SGCZ: variants seen among roughly 807,000 people sequenced by gnomAD.
SGCZ encodes the protein sarcoglycan zeta.
SGCZ carries 40 observed loss-of-function variants against 41.3 expected under a neutral mutation model. The observed-to-expected ratio is 0.97, with a 90% CI of 0.75 to 1.26. SGCZ has a LOEUF of 1.26. Ranked by LOEUF, SGCZ falls within the 50% of genes most tolerant of loss-of-function variation. The pLI is 0.00. For missense variants in SGCZ, 552 were observed against 369.8 expected, an observed-to-expected ratio of 1.49 and a Z score of -4.04; for synonymous variants, 206 against 137.5, an observed-to-expected ratio of 1.50 and a Z score of -3.49.
intron 1 of SGCZ, among the ~76,000 whole-genome samples, chr8:15,168,434 C>G (rs975637199): frequency 6.6e-6 from 1 of 152,152 alleles, no homozygotes; most frequent in Non-Finnish European, 1.5e-5. Flanking sequence ...ATTCCCTATT[C>G]GAGCAGAGAA....
At chr8:14,102,976 T>G (rs1035716569) in intron 6 of SGCZ, among the ~76,000 whole-genome samples, 2 of 152,124 alleles carry the variant, frequency 1.3e-5, no homozygotes, top group Admixed American at 6.5e-5. Context: ...TTAATGAAAA[T>G]TGTTAATATT....
intron 4 of SGCZ, among the ~76,000 whole-genome samples, chr8:14,190,086 C>T (rs1402689698): frequency 3.1e-5 from 4 of 128,546 alleles, no homozygotes; most frequent in Admixed American, 3.0e-4. Context: ...CATCTTGACT[C>T]GCTGCAAGCT....
chr8:14,703,676 C>T (rs1454135411), intron 1 of SGCZ, among the ~76,000 whole-genome samples: 2 of 151,954 alleles, frequency 1.3e-5, no homozygotes, highest in African/African-American at 4.8e-5. Context: ...CCTTTATGGA[C>T]AGCAGAAAAC....
intron 1 of SGCZ, among the ~76,000 whole-genome samples, chr8:15,091,679 A>C (rs1806158173): frequency 6.6e-6 from 1 of 152,212 alleles, no homozygotes; most frequent in Non-Finnish European, 1.5e-5. Context: ...ATCTTTATAC[A>C]CACCTTTAAA....
At chr8:14,720,910 CTG>C (rs1809863903) in intron 1 of SGCZ, among the ~76,000 whole-genome samples, 1 of 59,578 alleles carries the variant, frequency 1.7e-5, no homozygotes. Flanking sequence ...TTCATGGAAA[CTG>C]TTTTTTTTTT....
At chr8:14,996,136 C>T (rs1485207740) in intron 1 of SGCZ, among the ~76,000 whole-genome samples, 7 of 152,096 alleles carry the variant, frequency 4.6e-5, no homozygotes, top group Admixed American at 6.5e-5. Flanking sequence ...ATTTCCTGAC[C>T]TCGTGATCTG....
intron 1 of SGCZ, among the ~76,000 whole-genome samples, chr8:14,584,183 G>C (rs1469455315): frequency 6.6e-6 from 1 of 152,098 alleles, no homozygotes; most frequent in African/African-American, 2.4e-5. Flanking sequence ...CTAGGTGTTA[G>C]ACTTGAGAGG....
chr8:14,758,392 CT>C lies in SGCZ; in HGVS notation c.40-203467del, dbSNP rs573355213. Among the ~76,000 whole-genome samples the C allele has an allele frequency of 1.2e-4, 19 of 152,268 alleles. No homozygotes were observed. The South Asian group carries it at 3.9e-3, about 32-fold the overall frequency. On this transcript the variant is annotated intron_variant, in intron 1 of 7. Coordinates refer to ENST00000382080, the MANE Select transcript of SGCZ (RefSeq NM_139167.4). Reference sequence around the variant, plus strand: ...GATTTTTTTTTAACCAAGTCAGCTTCTTTTTTCATCAATTTATAATTTCATC... The same window carrying C: ...GATTTTTTTTTAACCAAGTCAGCTTCTTTTTCATCAATTTATAATTTCATC...
chr8:14,691,967 G>A lies in SGCZ; in HGVS notation c.40-137041C>T, dbSNP rs556752528. Among the ~76,000 whole-genome samples the A allele has an allele frequency of 4.6e-5, 7 of 151,828 alleles. No homozygotes were observed. In the South Asian group the frequency reaches 1.0e-3, roughly 23 times the overall value. On this transcript the variant is annotated intron_variant, in intron 1 of 7. Coordinates refer to ENST00000382080, the MANE Select transcript of SGCZ (RefSeq NM_139167.4). ...TTTAGTTTAGTAAATTTCCATAATT[G>A]ATACGTGAAATATTAGTAGGATAGT...
chr8:15,123,890 G>A (rs763046494), intron 1 of SGCZ, among the ~76,000 whole-genome samples: 4 of 151,508 alleles, frequency 2.6e-5, no homozygotes, highest in Non-Finnish European at 5.9e-5. Context: ...AGGAAGCAAT[G>A]TTAACAAAGT....
intron 1 of SGCZ, among the ~76,000 whole-genome samples, chr8:14,774,509 T>G (rs1800341832): frequency 1.3e-5 from 2 of 152,236 alleles, no homozygotes; most frequent in South Asian, 2.1e-4. Context: ...AACCACATGT[T>G]GCAGCCCTTA....
intron 2 of SGCZ, among the ~76,000 whole-genome samples, chr8:14,541,024 A>G (rs942890649): frequency 5.3e-5 from 8 of 150,998 alleles, no homozygotes; most frequent in African/African-American, 1.7e-4. Context: ...GAACATATAT[A>G]TGTATATATG....
chr8:14,096,485 T>A (rs921774459), intron 7 of SGCZ, among the ~76,000 whole-genome samples: 1 of 152,204 alleles, frequency 6.6e-6, no homozygotes, highest in Non-Finnish European at 1.5e-5. Context: ...AGCTTTTTGT[T>A]GTGCTGCTGG....
intron 1 of SGCZ, among the ~76,000 whole-genome samples, chr8:14,938,793 T>G (rs1423852726): frequency 6.6e-6 from 1 of 152,098 alleles, no homozygotes; most frequent in Non-Finnish European, 1.5e-5. Flanking sequence ...AAGTAGGAGA[T>G]AAGCTGTGGT....
chr8:14,753,244 A>C (rs1278262244), intron 1 of SGCZ, among the ~76,000 whole-genome samples: 1 of 152,146 alleles, frequency 6.6e-6, no homozygotes, highest in Admixed American at 6.6e-5. Flanking sequence ...AAAATTTTAG[A>C]TTCATAAATT....
At chr8:14,263,971 C>G (rs1288614919) in intron 3 of SGCZ, among the ~76,000 whole-genome samples, 1 of 152,232 alleles carries the variant, frequency 6.6e-6, no homozygotes, top group East Asian at 1.9e-4. Context: ...AATCCCACAA[C>G]CTCTGGCTCC....
At chr8:14,310,013 A>ACC (rs1801479636) in intron 3 of SGCZ, among the ~76,000 whole-genome samples, 10 of 152,072 alleles carry the variant, frequency 6.6e-5, no homozygotes, top group Middle Eastern at 3.4e-3. Flanking sequence ...AGTCAAAAAA[A>ACC]AACTTGGCAT....
At chr8:14,911,144 C>T (rs1359987358) in intron 1 of SGCZ, among the ~76,000 whole-genome samples, 1 of 151,956 alleles carries the variant, frequency 6.6e-6, no homozygotes, top group Non-Finnish European at 1.5e-5. Context: ...TAGTTTTCAC[C>T]TTTTAAGAGA....
chr8:14,721,032 CT>C (rs1231016385), intron 1 of SGCZ, among the ~76,000 whole-genome samples: 1 of 150,670 alleles, frequency 6.6e-6, no homozygotes, highest in Non-Finnish European at 1.5e-5. Context: ...CCATTTTCTC[CT>C]TAATGCAATT....
Sources: gnomAD v4.1 joint callset for allele counts (sites outside exome capture counted in the v4.1 genomes callset) on GRCh38, gnomAD v4.1.1 for gene constraint, MANE v1.5 for transcripts, NCBI Gene and HGNC (gene_info 2026-07-23, HGNC 2026-07-21) for gene names.